Variants in ZEB2 observed in about 807,000 individuals in gnomAD.
ZEB2 encodes the protein zinc finger E-box-binding homeobox 2.
A neutral mutation model predicts 99.9 loss-of-function variants in ZEB2; 6 were observed. That is an observed-to-expected ratio of 0.06 (90% CI 0.03 to 0.12). The LOEUF (loss-of-function observed/expected upper bound fraction) is 0.12. Ranked by LOEUF, ZEB2 falls within the 10% of genes least tolerant of loss-of-function variation. The pLI is 1.00. For synonymous variants in ZEB2, 517 were observed against 542.5 expected (o/e 0.95, Z 0.65); for missense variants, 969 against 1,502.8 (o/e 0.64, Z 5.87).
chr2:144,508,179 C>A (rs1456035305), intron 2 of ZEB2, among the ~76,000 whole-genome samples: 2 of 152,174 alleles, frequency 1.3e-5, no homozygotes, highest in African/African-American at 4.8e-5. Context: ...GTGATGCTGG[C>A]GCTGCCCGGG....
chr2:144,384,334 C>G lies in ZEB2; in HGVS notation c.*5117G>C, dbSNP rs1703052483. 1 of 151,796 alleles carries G rather than the reference C, an allele frequency of 6.6e-6. No homozygotes were observed. The allele number at this position is 151,796 out of a possible 1,614,324, so 9.4% of individuals were successfully genotyped here. A position where few individuals can be genotyped will look rare whatever the true frequency, so the allele number is the denominator to read the frequency against. Reference sequence around the variant, plus strand: ...CTCGGTGCCATTTCTCTGACTAATTCCACATTTCAGATACAAATGAAGACT... The same window carrying G: ...CTCGGTGCCATTTCTCTGACTAATTGCACATTTCAGATACAAATGAAGACT... On this transcript the variant is annotated 3_prime_UTR_variant, in exon 10 of 10. Coordinates refer to ENST00000627532, the MANE Select transcript of ZEB2 (RefSeq NM_014795.4).
Position 144,429,765 on chromosome 2 carries a change from T to G in ZEB2, c.331+4A>C. On this transcript the variant is annotated splice_donor_region_variant and intron_variant, in intron 3 of 9. Coordinates refer to ENST00000627532, the MANE Select transcript of ZEB2 (RefSeq NM_014795.4). ...GAAGAGGCCAAGTGATTTTAGACAC[T>G]TACCTGGACCATCTACAGAGGCTTG... is the stretch of plus-strand genomic sequence containing the variant. The G allele has an allele frequency of 6.2e-7, 1 of 1,613,798 alleles. No individual in the cohort carries two copies. The highest frequency in any genetic ancestry group is 8.5e-7 in the Non-Finnish European group (1 of 1,179,770).
chr2:144,511,384 A>C, intron 2 of ZEB2: 2 of 1,202,204 alleles, frequency 1.7e-6, no homozygotes, highest in Non-Finnish European at 1.1e-6. Flanking sequence ...ACACTACAGA[A>C]CACCTTAAAA....
chr2:144,454,451 C>T (rs949749161), intron 2 of ZEB2, among the ~76,000 whole-genome samples: 4 of 152,068 alleles, frequency 2.6e-5, no homozygotes, highest in Non-Finnish European at 5.9e-5. Flanking sequence ...TTTCCCATGC[C>T]ACGTTTTTTG....
chr2:144,406,810 G>A (rs1168689334), intron 4 of ZEB2, among the ~76,000 whole-genome samples: 1 of 152,158 alleles, frequency 6.6e-6, no homozygotes, highest in Non-Finnish European at 1.5e-5. Flanking sequence ...AGTATGATAG[G>A]GATTGGAGAA....
rs780523431 is a variant in ZEB2, at chr2:144,399,801, C to G, written c.1386G>C (p.Lys462Asn). 10 of 1,614,046 alleles carry G rather than the reference C, an allele frequency of 6.2e-6. No individual in the cohort carries two copies. The highest frequency in any genetic ancestry group is 2.7e-5 in the African/African-American group (2 of 74,920). ...CAGTATTGTCCACAATCTGTAGAACCTTTTGTACCTCACTTAAATTACTAT... is the reference window on the plus strand; with the variant it reads ...CAGTATTGTCCACAATCTGTAGAACGTTTTGTACCTCACTTAAATTACTAT... ...TMNSNLSEVQ[K>N]VLQIVDNTVS... is the part of the protein sequence containing the mutation. The change falls in exon 8 of 10, where the codon AAG (lysine) becomes AAC (asparagine). Residue 462 changes from lysine (K) to asparagine (N), a missense_variant. Transcript: ENST00000627532. The surrounding 1 kb of genome is among the most constrained non-coding windows in gnomAD (Gnocchi z 5.6).
At chr2:144,509,051 A>G (rs1395931882) in intron 2 of ZEB2, among the ~76,000 whole-genome samples, 3 of 151,834 alleles carry the variant, frequency 2.0e-5, no homozygotes, top group Admixed American at 6.6e-5. Flanking sequence ...ATTAAACCAC[A>G]TTGTTTTAAA....
intron 4 of ZEB2, chr2:144,424,352 A>G (rs1241830792): frequency 1.9e-6 from 1 of 518,524 alleles, no homozygotes; most frequent in Non-Finnish European, 3.8e-6. Flanking sequence ...ATTGAGAGAA[A>G]TGTTCGTGGA....
chr2:144,510,690 CT>C (rs1266418158), intron 2 of ZEB2, among the ~76,000 whole-genome samples: 2 of 9,650 alleles, frequency 2.1e-4, no homozygotes, highest in Non-Finnish European at 1.2e-3. Context: ...CCCTGTGCCT[CT>C]CTCTCTCTCT....
intron 2 of ZEB2, among the ~76,000 whole-genome samples, chr2:144,505,820 A>C (rs1039224325): frequency 6.6e-6 from 1 of 152,208 alleles, no homozygotes; most frequent in Non-Finnish European, 1.5e-5. Context: ...CCTCACACTT[A>C]TCTGCACAAG....
chr2:144,432,332 T>C (rs1184421051), intron 2 of ZEB2, among the ~76,000 whole-genome samples: 3 of 152,180 alleles, frequency 2.0e-5, no homozygotes, highest in African/African-American at 7.2e-5. Flanking sequence ...CAAATTCACT[T>C]ACAGAGGCAG....
At chr2:144,511,236 G>A in intron 2 of ZEB2, 2 of 280,536 alleles carry the variant, frequency 7.1e-6, no homozygotes, top group South Asian at 1.1e-4. Context: ...ATTCATGTGG[G>A]CTACATATAT....
intron 4 of ZEB2, among the ~76,000 whole-genome samples, chr2:144,408,176 A>G (rs760101397): frequency 6.6e-6 from 1 of 152,200 alleles, no homozygotes; most frequent in Non-Finnish European, 1.5e-5. Flanking sequence ...TTCATCTTTG[A>G]TCATCTTTGT....
In ZEB2 at chr2:144,406,166, AT is replaced by A. The variant is rs879748649; in HGVS notation, c.404-1143del. 3.3e-3 allele frequency among the ~76,000 whole-genome samples: 482 copies of A among 146,532 alleles called. 2 individuals are homozygous for A. The highest frequency in any genetic ancestry group is 9.2e-3 in the African/African-American group (370 of 40,252). ...GGGTGATGCGCAAGCAAGCTAGGCA[AT>A]TTTTTTTTTTTGCTTTCATGATTAT... On this transcript the variant is annotated intron_variant, in intron 4 of 9. Transcript: ENST00000627532.
intron 2 of ZEB2, chr2:144,461,161 A>T (rs546022595): frequency 2.0e-5 from 3 of 149,766 alleles, no homozygotes; most frequent in African/African-American, 7.4e-5. Context: ...TTTGTACTGG[A>T]TAATGTGAGT....
chr2:144,453,199 T>C (rs1490326190), intron 2 of ZEB2, among the ~76,000 whole-genome samples: 1 of 152,234 alleles, frequency 6.6e-6, no homozygotes, highest in African/African-American at 2.4e-5. Flanking sequence ...TTTCTTAAAC[T>C]GCTTGCTGGT....
chr2:144,477,764 A>G (rs1248214625), intron 2 of ZEB2, among the ~76,000 whole-genome samples: 2 of 152,228 alleles, frequency 1.3e-5, no homozygotes, highest in Admixed American at 6.5e-5. Flanking sequence ...ATGGGGAGAC[A>G]GATGTACAGA....
chr2:144,389,311 C>T lies in ZEB2; in HGVS notation c.*140G>A. The T allele has an allele frequency of 9.8e-7, 1 of 1,022,352 alleles. No homozygotes were observed. The highest frequency in any genetic ancestry group is 1.5e-6 in the Non-Finnish European group (1 of 667,740). 63.3% of individuals were successfully genotyped at this position (1,022,352 alleles called of 1,614,324 possible). On this transcript the variant is annotated 3_prime_UTR_variant, in exon 10 of 10. Coordinates refer to ENST00000627532, the MANE Select transcript of ZEB2 (RefSeq NM_014795.4). This position sits in a 1 kb window ranked among gnomAD's most constrained non-coding sequence, Gnocchi z 6.8. ...CCAACTCCGTCTACATCTGTCTTGGCTGAACCGCCCCTTCTGTCCCTCTCT... is the reference window on the plus strand; with the variant it reads ...CCAACTCCGTCTACATCTGTCTTGGTTGAACCGCCCCTTCTGTCCCTCTCT...
intron 2 of ZEB2, among the ~76,000 whole-genome samples, chr2:144,457,640 G>A (rs1009526004): frequency 5.9e-5 from 9 of 152,092 alleles, no homozygotes; most frequent in African/African-American, 2.2e-4. Context: ...AGAGGACCTG[G>A]TATGTAACAG....
Sources: allele counts gnomAD v4.1 joint callset (sites outside exome capture counted in the v4.1 genomes callset), GRCh38; gene constraint gnomAD v4.1.1; non-coding constraint Gnocchi (gnomAD v3.1); transcripts MANE v1.5; gene names NCBI Gene and HGNC (gene_info 2026-07-23, HGNC 2026-07-21).